Variants in CDH4 observed in about 807,000 individuals in gnomAD.
CDH4 encodes cadherin-4.
A neutral mutation model predicts 86.0 loss-of-function variants in CDH4; 33 were observed. The ratio of observed to expected loss-of-function variants is 0.38; its 90% confidence interval spans 0.29 to 0.51. The LOEUF (loss-of-function observed/expected upper bound fraction) is 0.51. Among genes scored for constraint, CDH4 ranks in the 20% least tolerant of loss-of-function variants. The pLI is 0.86. For synonymous variants in CDH4, 555 were observed against 549.4 expected (o/e 1.01, Z -0.14); for missense variants, 1,114 against 1,307.4 (o/e 0.85, Z 2.28).
intron 3 of CDH4, among the ~76,000 whole-genome samples, chr20:61,758,777 C>G (rs943243731): frequency 6.6e-6 from 1 of 152,208 alleles, no homozygotes; most frequent in African/African-American, 2.4e-5. Context: ...TGCCCGCCTC[C>G]CCTGCAGGCC....
At chr20:61,845,726 C>T (rs907517195) in intron 5 of CDH4, among the ~76,000 whole-genome samples, 1 of 152,238 alleles carries the variant, frequency 6.6e-6, no homozygotes, top group East Asian at 1.9e-4. Flanking sequence ...GCGTTCAGCA[C>T]AAGCCCGTGC....
chr20:61,604,754 A>T (rs1013182974), intron 2 of CDH4, among the ~76,000 whole-genome samples: 2 of 152,130 alleles, frequency 1.3e-5, no homozygotes, highest in Non-Finnish European at 2.9e-5. Flanking sequence ...AAGTCATTTG[A>T]TAAATGGGCC....
chr20:61,409,999 G>A (rs963963261), intron 2 of CDH4, among the ~76,000 whole-genome samples: 3 of 152,174 alleles, frequency 2.0e-5, no homozygotes, highest in African/African-American at 7.2e-5. Context: ...AAGTGAAGTG[G>A]CCTGCCACAG....
intron 2 of CDH4, among the ~76,000 whole-genome samples, chr20:61,351,412 C>T (rs1024856897): frequency 6.6e-6 from 1 of 152,202 alleles, no homozygotes; most frequent in African/African-American, 2.4e-5. Flanking sequence ...TGGGCGTCTA[C>T]AGATTTTGGC....
At chr20:61,808,367 A>C (rs1980248974) in intron 4 of CDH4, among the ~76,000 whole-genome samples, 1 of 151,968 alleles carries the variant, frequency 6.6e-6, no homozygotes, top group Admixed American at 6.5e-5. Context: ...TAAATAAATA[A>C]ATTTAAAAAA....
At chr20:61,722,135 C>A (rs980780923) in intron 2 of CDH4, among the ~76,000 whole-genome samples, 4 of 152,188 alleles carry the variant, frequency 2.6e-5, no homozygotes, top group African/African-American at 9.7e-5. Flanking sequence ...GAAGAAATGG[C>A]AGATTATTTT....
At chr20:61,584,844 C>T (rs1600782329) in intron 2 of CDH4, among the ~76,000 whole-genome samples, 1 of 110,562 alleles carries the variant, frequency 9.0e-6, no homozygotes, top group Non-Finnish European at 1.8e-5. Context: ...CTGCCTGGGC[C>T]AGCAGCTCTC....
At chr20:61,792,112 G>A (rs1009092965) in intron 4 of CDH4, among the ~76,000 whole-genome samples, 2 of 152,150 alleles carry the variant, frequency 1.3e-5, no homozygotes, top group Non-Finnish European at 2.9e-5. Flanking sequence ...GAGGAGAGAT[G>A]TGGGGGCCTG....
intron 8 of CDH4, among the ~76,000 whole-genome samples, chr20:61,907,335 C>A (rs767064803): frequency 5.3e-5 from 8 of 152,064 alleles, no homozygotes; most frequent in Middle Eastern, 3.2e-3. Flanking sequence ...CTGCAGTGGT[C>A]CTCTGCCCGG....
At chr20:61,661,853 T>C (rs1269046161) in intron 2 of CDH4, among the ~76,000 whole-genome samples, 2 of 152,148 alleles carry the variant, frequency 1.3e-5, no homozygotes, top group Admixed American at 6.5e-5. Context: ...GCGCCTTCTA[T>C]GGATCCCCAT....
chr20:61,405,394 G>A (rs1201937966), intron 2 of CDH4, among the ~76,000 whole-genome samples: 1 of 151,830 alleles, frequency 6.6e-6, no homozygotes, highest in African/African-American at 2.4e-5. Context: ...TTTACAGTGC[G>A]GCCCTTTATG....
intron 2 of CDH4, among the ~76,000 whole-genome samples, chr20:61,519,329 C>T (rs1600725892): frequency 6.6e-6 from 1 of 152,328 alleles, no homozygotes; most frequent in Non-Finnish European, 1.5e-5. Flanking sequence ...CAGTCATTTC[C>T]CAGCACTGTG....
At chr20:61,862,743 A>G (rs975509667) in intron 6 of CDH4, among the ~76,000 whole-genome samples, 3 of 152,214 alleles carry the variant, frequency 2.0e-5, no homozygotes, top group African/African-American at 7.2e-5. Flanking sequence ...TTTAACTAAA[A>G]AGGGCTCTAA....
chr20:61,893,827 A>T (rs1984974538), intron 7 of CDH4, among the ~76,000 whole-genome samples: 1 of 115,766 alleles, frequency 8.6e-6, no homozygotes, highest in African/African-American at 3.4e-5. Context: ...GGGATGGTGG[A>T]TGTGGGGGTG....
chr20:61,282,816 G>C (rs2084267357), intron 2 of CDH4, among the ~76,000 whole-genome samples: 1 of 152,214 alleles, frequency 6.6e-6, no homozygotes, highest in South Asian at 2.1e-4. Context: ...GCATGGCTGT[G>C]GTGTGCACGT....
At chr20:61,932,095 CCTCT>C (rs958204935) in intron 13 of CDH4, among the ~76,000 whole-genome samples, 1 of 152,144 alleles carries the variant, frequency 6.6e-6, no homozygotes, top group Non-Finnish European at 1.5e-5. Context: ...AGTCCATCTC[CCTCT>C]CTCAGTGATT....
At chr20:61,804,637 G>A (rs1980028715) in intron 4 of CDH4, among the ~76,000 whole-genome samples, 1 of 152,230 alleles carries the variant, frequency 6.6e-6, no homozygotes, top group African/African-American at 2.4e-5. Context: ...TCGCCTGGTG[G>A]GTGTGTCAGG....
At chr20:61,499,362 G>A (rs1199039690) in intron 2 of CDH4, 3 of 949,842 alleles carry the variant, frequency 3.2e-6, no homozygotes, top group East Asian at 1.2e-4. Flanking sequence ...GGATAGCAGT[G>A]CCTCTTGCTC....
chr20:61,493,875 C>T (rs535975335), intron 2 of CDH4, among the ~76,000 whole-genome samples: 13 of 152,324 alleles, frequency 8.5e-5, no homozygotes, highest in East Asian at 1.9e-4. Flanking sequence ...AACAGTGGCC[C>T]GTACAAATTG....
Sources: gnomAD v4.1 joint callset for allele counts (sites outside exome capture counted in the v4.1 genomes callset) on GRCh38, gnomAD v4.1.1 for gene constraint, MANE v1.5 for transcripts, NCBI Gene and HGNC (gene_info 2026-07-23, HGNC 2026-07-21) for gene names.